The following TTC3 variants were observed in gnomAD, a reference collection of about 807,000 sequenced individuals.
TTC3 encodes the protein tetratricopeptide repeat domain 3, also known as E3 ubiquitin-protein ligase TTC3.
A neutral mutation model predicts 249.6 loss-of-function variants in TTC3; 180 were observed. The observed-to-expected ratio is 0.72, with a 90% confidence interval of 0.64 to 0.82. The LOEUF (loss-of-function observed/expected upper bound fraction) is 0.82. TTC3 is among the 40% of genes least tolerant of loss of function. The pLI is 0.00. For synonymous variants in TTC3, 717 were observed against 805.0 expected (o/e 0.89, Z 1.85); for missense variants, 2,061 against 2,398.4 (o/e 0.86, Z 2.94).
chr21:37,104,565 C>T (rs991082715), intron 10 of TTC3, among the ~76,000 whole-genome samples: 19 of 135,210 alleles, frequency 1.4e-4, no homozygotes, highest in African/African-American at 4.6e-4. Context: ...GCTCCAGCCT[C>T]GGCGACGAGC....
chr21:37,158,667 T>A (rs2080360251), intron 28 of TTC3, among the ~76,000 whole-genome samples: 1 of 152,152 alleles, frequency 6.6e-6, no homozygotes, highest in Admixed American at 6.5e-5. Context: ...TAAAGCAGTA[T>A]GACTGAACCC....
intron 1 of TTC3, among the ~76,000 whole-genome samples, chr21:37,076,986 C>T (rs898299388): frequency 3.9e-5 from 6 of 152,030 alleles, no homozygotes; most frequent in Non-Finnish European, 5.9e-5. Flanking sequence ...CAGGCCACCG[C>T]GCCTGGCCTA....
intron 28 of TTC3, 104 bp from the exon 29 acceptor site, chr21:37,159,595 A>T: frequency 7.8e-7 from 1 of 1,285,204 alleles, no homozygotes; most frequent in Non-Finnish European, 1.1e-6. Context: ...GGAATAGAAC[A>T]TGGCCTATGC....
chr21:37,077,400 C>T (rs867914632), intron 1 of TTC3, among the ~76,000 whole-genome samples: 16 of 152,176 alleles, frequency 1.1e-4, no homozygotes, highest in Middle Eastern at 3.4e-3. Context: ...GAAATACTGC[C>T]GTATCACTAT....
chr21:37,133,562 TG>T (rs1254288807), intron 17 of TTC3, among the ~76,000 whole-genome samples: 4 of 152,254 alleles, frequency 2.6e-5, no homozygotes, highest in Non-Finnish European at 4.4e-5. Flanking sequence ...TCGCTGTTTT[TG>T]AGCCTCTGTT....
At chr21:37,135,356 T>C (rs1369387743) in intron 17 of TTC3, 24 bp from the exon 18 acceptor site, 1 of 1,594,022 alleles carries the variant, frequency 6.3e-7, no homozygotes, top group Non-Finnish European at 8.6e-7. Flanking sequence ...TTCAGGTTAC[T>C]GAAATAGAAT....
rs548534190 is a variant in TTC3 at position 37,176,117 on chromosome 21, CTTG to C, written c.4617+3379_4617+3381del. Among the ~76,000 whole-genome samples, 17 of 152,262 alleles carry C rather than the reference CTTG, an allele frequency of 1.1e-4. No individual in the cohort carries two copies. The South Asian group carries it at 3.1e-3, about 28-fold the overall frequency. ...AGTAGCTTTTTTAAAGCCAGAATCTCTTGTTGTTTTTATTGTACCCTAACCTAT... is the reference window on the plus strand; with the variant it reads ...AGTAGCTTTTTTAAAGCCAGAATCTCTTGTTTTTATTGTACCCTAACCTAT... On this transcript the variant is annotated intron_variant, in intron 35 of 45. Coordinates refer to ENST00000355666, the Ensembl canonical transcript of TTC3.
At chr21:37,147,022 C>A (rs2079041171) in intron 21 of TTC3, among the ~76,000 whole-genome samples, 1 of 152,052 alleles carries the variant, frequency 6.6e-6, no homozygotes, top group African/African-American at 2.4e-5. Context: ...TCCAGGGAGT[C>A]CACAAACAAC....
At chr21:37,105,234 G>A (rs2074961244) in intron 10 of TTC3, among the ~76,000 whole-genome samples, 1 of 152,174 alleles carries the variant, frequency 6.6e-6, no homozygotes, top group Non-Finnish European at 1.5e-5. Context: ...GAAATGCAAG[G>A]AAATGGAGAC....
At chr21:37,142,936 A>G (rs1282096473) in intron 20 of TTC3, among the ~76,000 whole-genome samples, 1 of 152,216 alleles carries the variant, frequency 6.6e-6, no homozygotes, top group Admixed American at 6.5e-5. Flanking sequence ...CTCAGAAATA[A>G]TACCACACAT....
Position 37,097,941 on chromosome 21 carries a change from G to T in TTC3, c.845+1298G>T, listed in dbSNP as rs1433587072. The T allele has an allele frequency of 9.8e-6, 7 of 712,718 alleles. No individual in the cohort carries two copies. The East Asian group carries it at 1.9e-4, about 19-fold the overall frequency. The allele number at this position is 712,718 out of a possible 1,614,324, so 44.1% of individuals were successfully genotyped here. The stretch of plus-strand genomic sequence containing the variant: ...ACACATTCTCATGGTAGAAAATTTG[G>T]AAAATACAAGAGTTTAAAAAGAAGA... On this transcript the variant is annotated intron_variant, in intron 10 of 45. Transcript: ENST00000355666.
chr21:37,143,126 C>T (rs1257809611), intron 20 of TTC3, among the ~76,000 whole-genome samples: 5 of 152,268 alleles, frequency 3.3e-5, no homozygotes, highest in African/African-American at 7.2e-5. Context: ...AATGTTTGAC[C>T]TAAAACCATA....
intron 10 of TTC3, among the ~76,000 whole-genome samples, chr21:37,097,669 T>G (rs114195617): frequency 6.6e-6 from 1 of 152,176 alleles, no homozygotes; most frequent in Non-Finnish European, 1.5e-5. Context: ...GTAATATTAA[T>G]TGAGTGATGG....
At chr21:37,160,761 T>G in intron 29 of TTC3, 41 bp from the exon 30 acceptor site, 1 of 1,598,196 alleles carries the variant, frequency 6.3e-7, no homozygotes, top group Non-Finnish European at 8.6e-7. Context: ...TTCATAATGC[T>G]GTTATTTGAG....
intron 9 of TTC3, 43 bp from the exon 10 acceptor site, chr21:37,096,538 A>G (rs776521293): frequency 1.1e-5 from 16 of 1,422,846 alleles, no homozygotes; most frequent in Non-Finnish European, 1.6e-5. Context: ...TATTTGTTTC[A>G]TGTGTAATGT....
chr21:37,122,184 T>A (rs1317533921), intron 12 of TTC3, among the ~76,000 whole-genome samples: 1 of 151,924 alleles, frequency 6.6e-6, no homozygotes, highest in Non-Finnish European at 1.5e-5. Flanking sequence ...TATAAATGAT[T>A]TGTACTTTTT....
intron 27 of TTC3, among the ~76,000 whole-genome samples, chr21:37,153,993 G>T (rs12481936): frequency 0.015 from 2,217 of 152,308 alleles, 130 homozygotes; most frequent in Admixed American, 0.11. Flanking sequence ...GAAGGGAAGA[G>T]TGAGCAAGCC....
intron 10 of TTC3, among the ~76,000 whole-genome samples, chr21:37,097,440 C>T (rs1320169858): frequency 6.6e-6 from 1 of 152,100 alleles, no homozygotes; most frequent in East Asian, 1.9e-4. Context: ...AACCAGAAAA[C>T]GAAGTTGGAA....
chr21:37,195,404 G>A (rs1303195731), intron 41 of TTC3, among the ~76,000 whole-genome samples: 1 of 152,182 alleles, frequency 6.6e-6, no homozygotes, highest in Non-Finnish European at 1.5e-5. Flanking sequence ...GGGCCAGTAG[G>A]CAGGCAAAAT....
Sources: allele counts gnomAD v4.1 joint callset (sites outside exome capture counted in the v4.1 genomes callset), GRCh38; gene constraint gnomAD v4.1.1; transcripts MANE v1.5; gene names NCBI Gene and HGNC (gene_info 2026-07-23, HGNC 2026-07-21).